ENTR1: variants seen among roughly 807,000 people sequenced by gnomAD.
ENTR1 encodes the protein endosome associated trafficking regulator 1, also known as endosome-associated-trafficking regulator 1.
In ENTR1, 47 loss-of-function variants were observed where a neutral mutation model predicts 47.9. The ratio of observed to expected loss-of-function variants is 0.98; its 90% CI spans 0.78 to 1.25. The LOEUF (loss-of-function observed/expected upper bound fraction) is 1.25, where lower values mean the gene tolerates loss of function less well. Ranked by LOEUF, ENTR1 falls within the 50% of genes most tolerant of loss-of-function variation. The pLI is 0.00. For missense variants in ENTR1, 668 were observed against 570.5 expected, an observed-to-expected ratio of 1.17 and a Z score of -1.74; for synonymous variants, 290 against 245.8, an observed-to-expected ratio of 1.18 and a Z score of -1.68.
At chr9:136,406,712 G>T (rs370609353) in intron 5 of ENTR1, among the ~76,000 whole-genome samples, 67,000 of 151,520 alleles carry the variant, frequency 0.44, 15,118 homozygotes, top group Admixed American at 0.54. Context: ...GCTGACCTCA[G>T]GTGATCCACC....
rs36076555 is a variant in ENTR1 at position 136,407,563 on chromosome 9, TAAAAAAAAAA to T, written c.403-12_403-3del. 6 of 1,320,332 alleles carry T rather than the reference TAAAAAAAAAA, an allele frequency of 4.5e-6. No individual in the cohort carries two copies. Among genetic ancestry groups the T allele is most frequent in the Non-Finnish European group, 5.9e-6 (6 of 1,024,612 alleles). 81.8% of individuals were successfully genotyped at this position (1,320,332 alleles called of 1,614,324 possible). A position where few individuals can be genotyped will look rare whatever the true frequency, so the allele number is the denominator to read the frequency against. On this transcript the variant is annotated splice_polypyrimidine_tract_variant and splice_region_variant and intron_variant, in intron 4 of 9. Transcript: ENST00000357365. ...TCCCAGGGAATGCCTCGAGGCTTCC[TAAAAAAAAAA>T]AAAAAAAAAAAACAATGGAGGCCAT...
rs548974635 is a variant in ENTR1 at position 136,405,931 on chromosome 9, C to G, written c.867G>C (p.Gln289His). The change falls in exon 6 of 10, where the codon CAG (glutamine) becomes CAC (histidine). Residue 289 changes from glutamine to histidine, a missense_variant. Transcript: ENST00000357365. ...TTTCTGTTTGAGCTTCAGAGAAGCT[C>G]TGAACCTCATTCAGCTTTCTTCTCA... The part of the protein sequence containing the change: ...SKLRRKLNEV[Q>H]SFSEAQTEMV... 45 of 1,607,548 alleles carry G rather than the reference C, an allele frequency of 2.8e-5. No homozygotes were observed. The highest frequency in any genetic ancestry group is 8.5e-5 in the Admixed American group (5 of 58,958).
In ENTR1 at chr9:136,410,262, C is replaced by G. The variant is rs1228808030; in HGVS notation, c.71-23G>C. 4 of 1,559,250 alleles carry G rather than the reference C, an allele frequency of 2.6e-6. No homozygotes were observed. The African/African-American group carries it at 4.1e-5, about 16-fold the overall frequency. On this transcript the variant is annotated intron_variant, in intron 1 of 9. Transcript: ENST00000357365. ...GAGCTGGAAGCAACGACAACAGCGA[C>G]TTTACTGCGTGCCGGGGCGGCCGCC... is the stretch of plus-strand genomic sequence containing the variant.
intron 5 of ENTR1, 45 bp downstream of exon 5, chr9:136,407,100 G>T: frequency 6.5e-7 from 1 of 1,530,660 alleles, no homozygotes; most frequent in South Asian, 1.3e-5. Context: ...GGGAGAAGCC[G>T]CTCGGACAGG....
At chr9:136,405,686 G>C (rs1338434258) in intron 6 of ENTR1, among the ~76,000 whole-genome samples, 2 of 152,206 alleles carry the variant, frequency 1.3e-5, no homozygotes, top group Admixed American at 1.3e-4. Flanking sequence ...AGGCTGCAGT[G>C]AGCCGTGATT....
chr9:136,407,759 A>G, intron 4 of ENTR1, 67 bp downstream of exon 4: 1 of 1,413,722 alleles, frequency 7.1e-7, no homozygotes, highest in East Asian at 2.3e-5. Flanking sequence ...GATTCCTCCA[A>G]AGGAGGCTGC....
Position 136,407,725 on chromosome 9 carries a change from G to A in ENTR1, c.402+101C>T, listed in dbSNP as rs998169559. 3.0e-6 allele frequency: 4 copies of A among 1,352,998 alleles called. No individual in the cohort carries two copies. In the Admixed American group the frequency reaches 7.4e-5, roughly 25 times the overall value. 83.8% of individuals were successfully genotyped at this position (1,352,998 alleles called of 1,614,324 possible). The stretch of plus-strand genomic sequence containing the variant: ...GAGCTGCTCCCCAGCACTGACGCCT[G>A]CCTGCTCTGCCACACTCATGCACGA... On this transcript the variant is annotated intron_variant, in intron 4 of 9. Coordinates refer to ENST00000357365, the MANE Select transcript of ENTR1 (RefSeq NM_001039707.2).
chr9:136,409,008 G>A lies in ENTR1; in HGVS notation c.280C>T (p.His94Tyr), dbSNP rs1834929434. 6.2e-7 allele frequency: 1 copy of A among 1,613,650 alleles called. No individual in the cohort carries two copies. Among genetic ancestry groups the A allele is most frequent in the South Asian group, 1.1e-5 (1 of 91,084 alleles). The change falls in exon 3 of 10, where the codon CAT becomes TAT. Residue 94 changes from histidine (H) to tyrosine (Y), a missense_variant. Transcript: ENST00000357365. ...KQSPSGAHGT[H>Y]FGDDRFEDLE... ...TGCTGAACTACTCTACCTCCAAAAT[G>A]TGTCCCGTGGGCTCCTGACGGGCTC...
At chr9:136,408,134 A>T (rs1834871837) in intron 3 of ENTR1, among the ~76,000 whole-genome samples, 196 bp from the exon 4 acceptor site, 1 of 152,058 alleles carries the variant, frequency 6.6e-6, no homozygotes. Context: ...GTGCGTCTGC[A>T]TTTGCAATCT....
At chr9:136,404,989 C>T (rs890930920) in intron 7 of ENTR1, 102 bp downstream of exon 7, 36 of 930,984 alleles carry the variant, frequency 3.9e-5, no homozygotes, top group African/African-American at 2.9e-4. Flanking sequence ...CACATGGCCC[C>T]GCTCCCAAGG....
chr9:136,404,205 G>A lies in ENTR1; in HGVS notation c.1069-11C>T, dbSNP rs369237998. 34 of 1,601,664 alleles carry A rather than the reference G, an allele frequency of 2.1e-5. No individual in the cohort carries two copies. Among genetic ancestry groups the A allele is most frequent in the African/African-American group, 6.7e-5 (5 of 74,732 alleles). ...GTTGGAGACCTGCGCCTGGGGGGAC[G>A]GTTACGGCTAAGGACAGAGCAGCTC... On this transcript the variant is annotated splice_polypyrimidine_tract_variant and intron_variant, in intron 8 of 9. Coordinates refer to ENST00000357365, the MANE Select transcript of ENTR1 (RefSeq NM_001039707.2).
rs1275838337 is a variant in ENTR1, at chr9:136,407,403, G to A, written c.561C>T (p.Ala187=). The change falls in exon 5 of 10, where the codon GCC becomes GCT. Residue 187 remains alanine (A), a synonymous_variant. Transcript: ENST00000357365. ...EEDEDTGWSG[A]YLPSAIEQTH... ...TCTGCTCGATGGCGGACGGCAGGTAGGCCCCACTCCATCCGGTGTCCTCAT... is the reference window on the plus strand; with the variant it reads ...TCTGCTCGATGGCGGACGGCAGGTAAGCCCCACTCCATCCGGTGTCCTCAT... 6.2e-7 allele frequency: 1 copy of A among 1,608,480 alleles called. No individual in the cohort carries two copies. The highest frequency in any genetic ancestry group is 8.5e-7 in the Non-Finnish European group (1 of 1,178,858).
Position 136,404,094 on chromosome 9 carries a change from T to C in ENTR1, c.1169A>G (p.Asn390Ser). 1 of 1,612,932 alleles carries C rather than the reference T, an allele frequency of 6.2e-7. No individual in the cohort carries two copies. Among genetic ancestry groups the C allele is most frequent in the South Asian group, 1.1e-5 (1 of 91,006 alleles). Residue 390 changes from asparagine (N) to serine (S), a missense_variant, in exon 9 of 10, where the codon AAC (asparagine) becomes AGC (serine). Coordinates refer to ENST00000357365, the MANE Select transcript of ENTR1 (RefSeq NM_001039707.2). Reference protein sequence around the residue: ...VKQNADVALQNLRVVMNSAQA... With the variant: ...VKQNADVALQSLRVVMNSAQA... ...TGCACTGTTCATGACCACCCGGAGGTTCTGCAGGGCCACGTCGGCGTTCTG... is the reference window on the plus strand; with the variant it reads ...TGCACTGTTCATGACCACCCGGAGGCTCTGCAGGGCCACGTCGGCGTTCTG...
At chr9:136,406,023 T>C in intron 5 of ENTR1, 45 bp from the exon 6 acceptor site, 2 of 1,473,204 alleles carry the variant, frequency 1.4e-6, no homozygotes, top group Non-Finnish European at 1.9e-6. Flanking sequence ...CATGTCTGGC[T>C]CAAAAGGGCG....
Position 136,408,986 on chromosome 9 carries a change from T to C in ENTR1, c.289+13A>G. On this transcript the variant is annotated intron_variant, in intron 3 of 9. Transcript: ENST00000357365. ...GATGGAGACAAGAAGAAAAGGTTGC[T>C]GAACTACTCTACCTCCAAAATGTGT... 2 of 1,612,734 alleles carry C rather than the reference T, an allele frequency of 1.2e-6. No homozygotes were observed. The highest frequency in any genetic ancestry group is 2.2e-5 in the South Asian group (2 of 91,060).
At chr9:136,404,546 C>T (rs1834666549) in intron 8 of ENTR1, 85 bp downstream of exon 8, 2 of 1,422,440 alleles carry the variant, frequency 1.4e-6, no homozygotes, top group Non-Finnish European at 2.0e-6. Context: ...GAAACCCCAG[C>T]AGAGTCTTTC....
At chr9:136,408,573 G>A (rs1334675399) in intron 3 of ENTR1, among the ~76,000 whole-genome samples, 1 of 152,072 alleles carries the variant, frequency 6.6e-6, no homozygotes, top group East Asian at 1.9e-4. Flanking sequence ...GCGAGACTCT[G>A]TCTCAAAAAA....
chr9:136,406,911 G>A, intron 5 of ENTR1: 1 of 518,280 alleles, frequency 1.9e-6, no homozygotes, highest in Non-Finnish European at 3.4e-6. Flanking sequence ...CCCTGTAAGT[G>A]CCCAACTGCA....
chr9:136,407,378 T>A lies in ENTR1; in HGVS notation c.586A>T (p.Thr196Ser). ...GAYLPSAIEQ[T>S]HPERVPAGTS... ...CCGGCAGGGACCCTCTCGGGGTGAG[T>A]CTGCTCGATGGCGGACGGCAGGTAG... The change falls in exon 5 of 10, where the codon ACT becomes TCT. Residue 196 changes from threonine (T) to serine (S), a missense_variant. Transcript: ENST00000357365. 6.2e-7 allele frequency: 1 copy of A among 1,606,552 alleles called. No individual in the cohort carries two copies. The highest frequency in any genetic ancestry group is 8.5e-7 in the Non-Finnish European group (1 of 1,177,934).
Sources: gnomAD v4.1 joint callset for allele counts (sites outside exome capture counted in the v4.1 genomes callset) on GRCh38, gnomAD v4.1.1 for gene constraint, MANE v1.5 for transcripts, NCBI Gene and HGNC (gene_info 2026-07-23, HGNC 2026-07-21) for gene names.